PDLIM1: variants seen among roughly 807,000 people sequenced by gnomAD.
PDLIM1 encodes the protein PDZ and LIM domain protein 1.
PDLIM1 carries 25 observed loss-of-function variants against 35.2 expected under a neutral mutation model. The observed-to-expected ratio is 0.71, with a 90% CI of 0.52 to 0.99. The LOEUF is 0.99. Among genes scored for constraint, PDLIM1 ranks in the 50% least tolerant of loss-of-function variants. The probability of loss-of-function intolerance (pLI) is 0.00; values close to 1 mark genes in which losing one functional copy is unlikely to be tolerated. For missense variants in PDLIM1, 363 were observed against 415.3 expected (o/e 0.87, Z 1.09); for synonymous variants, 152 against 154.0 (o/e 0.99, Z 0.10).
chr10:95,247,064 T>TCC (rs57354147), intron 5 of PDLIM1, 151 bp downstream of exon 5: 15 of 687,906 alleles, frequency 2.2e-5, no homozygotes, highest in Non-Finnish European at 3.7e-5. Context: ...TCTCTCTCTC[T>TCC]CCCTCTATCT....
At chr10:95,262,842 G>A (rs1292070164) in intron 4 of PDLIM1, among the ~76,000 whole-genome samples, 6 of 152,150 alleles carry the variant, frequency 3.9e-5, no homozygotes, top group Admixed American at 3.3e-4. Context: ...GCAAGATCCA[G>A]GAGACTCCAA....
chr10:95,282,922 C>T (rs780419954), intron 1 of PDLIM1, among the ~76,000 whole-genome samples: 14 of 152,158 alleles, frequency 9.2e-5, no homozygotes, highest in Admixed American at 7.2e-4. Flanking sequence ...CCAGCCCAGG[C>T]GACAGAGCGA....
In PDLIM1 at chr10:95,290,926, T is replaced by C; in HGVS notation, c.-11A>G. The stretch of plus-strand genomic sequence containing the variant: ...CTGCTGGGTGGTCATGGCGCGGCTG[T>C]GGCGGGCGACGACCCGCGGGGACAG... On this transcript the variant is annotated 5_prime_UTR_variant, in exon 1 of 7. Coordinates refer to ENST00000329399, the MANE Select transcript of PDLIM1 (RefSeq NM_020992.4). The surrounding 1 kb of genome is among the most constrained non-coding windows in gnomAD (Gnocchi z 4.7). The C allele has an allele frequency of 1.3e-6, 2 of 1,531,870 alleles. No individual in the cohort carries two copies. The highest frequency in any genetic ancestry group is 1.8e-6 in the Non-Finnish European group (2 of 1,135,298). 94.9% of individuals were successfully genotyped at this position (1,531,870 alleles called of 1,614,324 possible). A position where few individuals can be genotyped will look rare whatever the true frequency, so the allele number is the denominator to read the frequency against.
chr10:95,253,915 C>G (rs79697076), intron 4 of PDLIM1, among the ~76,000 whole-genome samples: 1 of 151,930 alleles, frequency 6.6e-6, no homozygotes, highest in Non-Finnish European at 1.5e-5. Context: ...GAAATGATGA[C>G]GCCAGTAAAC....
At chr10:95,252,851 G>A (rs1321869883) in intron 4 of PDLIM1, among the ~76,000 whole-genome samples, 1 of 151,976 alleles carries the variant, frequency 6.6e-6, no homozygotes, top group Non-Finnish European at 1.5e-5. Flanking sequence ...TAGAAAAATA[G>A]AATGGGGAGA....
chr10:95,246,250 G>A (rs2035219367), intron 5 of PDLIM1, among the ~76,000 whole-genome samples: 1 of 152,168 alleles, frequency 6.6e-6, no homozygotes, highest in Non-Finnish European at 1.5e-5. Context: ...GGAAGAAGCG[G>A]GTGTGAGGGC....
intron 1 of PDLIM1, among the ~76,000 whole-genome samples, chr10:95,284,876 T>G (rs995006426): frequency 6.6e-6 from 1 of 152,216 alleles, no homozygotes; most frequent in Non-Finnish European, 1.5e-5. Context: ...ACCACAGAAC[T>G]CAGCCACGGA....
chr10:95,282,233 G>A (rs2035567087), intron 1 of PDLIM1, among the ~76,000 whole-genome samples: 1 of 152,202 alleles, frequency 6.6e-6, no homozygotes, highest in Non-Finnish European at 1.5e-5. Flanking sequence ...ACCCAGCTCT[G>A]TAGGATGCCA....
chr10:95,256,981 A>G lies in PDLIM1; in HGVS notation c.533+6883T>C, dbSNP rs199850823. The stretch of plus-strand genomic sequence containing the variant: ...CAGAATGAGACTTCATCTTAAAAAA[A>G]AAAAAAAAGAAAGAAAGAAAGAAAG... On this transcript the variant is annotated intron_variant, in intron 4 of 6. Coordinates refer to ENST00000329399, the MANE Select transcript of PDLIM1 (RefSeq NM_020992.4). Among the ~76,000 whole-genome samples the G allele has an allele frequency of 3.7e-3, 396 of 106,424 alleles. 5 individuals are homozygous for G. Among genetic ancestry groups the G allele is most frequent in the Admixed American group, 5.8e-3 (54 of 9,334 alleles). 69.8% of individuals were successfully genotyped at this position (106,424 alleles called of 152,430 possible).
intron 5 of PDLIM1, among the ~76,000 whole-genome samples, chr10:95,242,840 G>A (rs2035189878): frequency 6.6e-6 from 1 of 152,162 alleles, no homozygotes; most frequent in Non-Finnish European, 1.5e-5. Flanking sequence ...GGCTGATGAA[G>A]CCATCTGGCT....
intron 1 of PDLIM1, among the ~76,000 whole-genome samples, chr10:95,280,350 G>C (rs1487753716): frequency 6.6e-6 from 1 of 152,240 alleles, no homozygotes; most frequent in East Asian, 1.9e-4. Flanking sequence ...ACTCCAGCCT[G>C]GGCAACAGAG....
chr10:95,279,426 C>T (rs923913196), intron 1 of PDLIM1, among the ~76,000 whole-genome samples: 12 of 152,200 alleles, frequency 7.9e-5, no homozygotes, highest in Non-Finnish European at 1.6e-4. Context: ...AATATAACTA[C>T]CTTCTTGACT....
At chr10:95,283,464 T>A (rs2035576233) in intron 1 of PDLIM1, among the ~76,000 whole-genome samples, 1 of 152,218 alleles carries the variant, frequency 6.6e-6, no homozygotes, top group Non-Finnish European at 1.5e-5. Flanking sequence ...TGTCTTTAAT[T>A]CTTGATTTGT....
At chr10:95,275,108 G>A (rs1564605073) in intron 1 of PDLIM1, among the ~76,000 whole-genome samples, 1 of 152,036 alleles carries the variant, frequency 6.6e-6, no homozygotes, top group South Asian at 2.1e-4. Context: ...GGCCTTTTGC[G>A]ATGTCCTTTC....
intron 4 of PDLIM1, among the ~76,000 whole-genome samples, chr10:95,263,201 A>G (rs1340903196): frequency 1.3e-5 from 2 of 150,738 alleles, no homozygotes; most frequent in Non-Finnish European, 2.9e-5. Context: ...GTGACAGAAG[A>G]GGACATGCCT....
At chr10:95,257,749 CAA>C (rs1348018140) in intron 4 of PDLIM1, among the ~76,000 whole-genome samples, 14 of 151,968 alleles carry the variant, frequency 9.2e-5, no homozygotes, top group African/African-American at 3.4e-4. Flanking sequence ...GGAGATTACT[CAA>C]AAAATTAAAA....
chr10:95,255,218 G>A (rs1412172340), intron 4 of PDLIM1, among the ~76,000 whole-genome samples: 16 of 147,280 alleles, frequency 1.1e-4, no homozygotes, highest in Non-Finnish European at 2.4e-4. Flanking sequence ...AATTTTAAAA[G>A]AATTAAAACT....
rs145362443 is a variant in PDLIM1, at chr10:95,257,571, T to C, written c.533+6293A>G. ...AAAAGATACTCAACATCACTAATCA[T>C]TAAAGAAATGCAAATCAAAACCAAA... On this transcript the variant is annotated intron_variant, in intron 4 of 6. Coordinates refer to ENST00000329399, the MANE Select transcript of PDLIM1 (RefSeq NM_020992.4). Among the ~76,000 whole-genome samples, 648 of 152,268 alleles carry C rather than the reference T, an allele frequency of 4.3e-3. 4 individuals are homozygous for C. Among genetic ancestry groups the C allele is most frequent in the African/African-American group, 0.014 (592 of 41,564 alleles).
chr10:95,245,612 C>T (rs1315403720), intron 5 of PDLIM1, among the ~76,000 whole-genome samples: 1 of 152,150 alleles, frequency 6.6e-6, no homozygotes, highest in Non-Finnish European at 1.5e-5. Flanking sequence ...AAGGGTTGGC[C>T]CCCAAGTTGT....
Sources: allele counts gnomAD v4.1 joint callset (sites outside exome capture counted in the v4.1 genomes callset), GRCh38; gene constraint gnomAD v4.1.1; non-coding constraint Gnocchi (gnomAD v3.1); transcripts MANE v1.5; gene names NCBI Gene and HGNC (gene_info 2026-07-23, HGNC 2026-07-21).